SNX30: variants seen among roughly 807,000 people sequenced by gnomAD.
SNX30 encodes the protein sorting nexin family member 30.
Under a neutral mutation model 46.4 loss-of-function variants are expected in SNX30, and 24 were observed. That is an observed-to-expected ratio of 0.52 (90% CI 0.37 to 0.73). The LOEUF (loss-of-function observed/expected upper bound fraction) is 0.73, where lower values mean the gene tolerates loss of function less well. Ranked by LOEUF, SNX30 falls within the 30% of genes least tolerant of loss-of-function variation. The probability of loss-of-function intolerance (pLI) is 0.00; values close to 1 mark genes in which losing one functional copy is unlikely to be tolerated. For synonymous variants in SNX30, 189 were observed against 211.5 expected (o/e 0.89, Z 0.92); for missense variants, 533 against 555.7 (o/e 0.96, Z 0.41).
intron 1 of SNX30, among the ~76,000 whole-genome samples, chr9:112,783,778 G>A (rs1839880543): frequency 6.6e-6 from 1 of 152,220 alleles, no homozygotes; most frequent in Non-Finnish European, 1.5e-5. Flanking sequence ...GTCAGTTTCT[G>A]TGCTGAGGGC....
downstream of SNX30, among the ~76,000 whole-genome samples, chr9:112,882,878 C>G (rs1234710732): frequency 2.0e-5 from 3 of 152,136 alleles, no homozygotes; most frequent in African/African-American, 7.2e-5. Flanking sequence ...AGTGAGAAGA[C>G]AGCCCAGAAT....
intron 5 of SNX30, chr9:112,881,382 C>A (rs900357864): frequency 2.0e-5 from 3 of 152,234 alleles, no homozygotes; most frequent in African/African-American, 7.2e-5. Context: ...TGCTAGTGCA[C>A]TACTGGGAGG....
intron 1 of SNX30, among the ~76,000 whole-genome samples, chr9:112,767,482 T>C (rs1839562607): frequency 6.6e-6 from 1 of 152,232 alleles, no homozygotes; most frequent in Admixed American, 6.5e-5. Context: ...TGATATCATA[T>C]CTATTGCCAA....
chr9:112,885,359 A>G (rs1324513307), downstream of SNX30: 3 of 151,994 alleles, frequency 2.0e-5, no homozygotes, highest in Non-Finnish European at 4.4e-5. Context: ...CTCATGTGCT[A>G]CTAGGCAGGT....
chr9:112,795,202 G>A lies in SNX30; in HGVS notation c.157-9574G>A, dbSNP rs1840088104. Among the ~76,000 whole-genome samples the A allele has an allele frequency of 2.0e-5, 3 of 152,166 alleles. No individual in the cohort carries two copies. In the South Asian group the frequency reaches 6.2e-4, roughly 32 times the overall value. On this transcript the variant is annotated intron_variant, in intron 1 of 8. Transcript: ENST00000374232. ...TGTGTGTGTGTGTATGAGAGAGAGA[G>A]AATAGTGATACAGCACCAGCCATGT...
chr9:112,795,793 ACACG>A (rs1159179952), intron 1 of SNX30, among the ~76,000 whole-genome samples: 3 of 151,254 alleles, frequency 2.0e-5, no homozygotes, highest in African/African-American at 4.9e-5. Flanking sequence ...ACACACACAC[ACACG>A]CACACATGAT....
intron 1 of SNX30, among the ~76,000 whole-genome samples, chr9:112,757,383 T>A (rs1312537549): frequency 1.3e-5 from 2 of 152,234 alleles, no homozygotes; most frequent in Non-Finnish European, 2.9e-5. Context: ...CAGTACAGTT[T>A]CTCTATCTGT....
At chr9:112,824,917 G>A (rs1337148624) in intron 3 of SNX30, among the ~76,000 whole-genome samples, 3 of 152,086 alleles carry the variant, frequency 2.0e-5, no homozygotes, top group Non-Finnish European at 4.4e-5. Flanking sequence ...AGTGTTGTAC[G>A]ACCATCACCA....
At chr9:112,845,709 A>G (rs533992534) in intron 6 of SNX30, among the ~76,000 whole-genome samples, 204 of 152,318 alleles carry the variant, frequency 1.3e-3, no homozygotes, top group Middle Eastern at 3.4e-3. Context: ...ACAGATACTG[A>G]TATTGGCTGG....
chr9:112,758,336 C>CT lies in SNX30; in HGVS notation c.156+7190dup, dbSNP rs1031135326. On this transcript the variant is annotated intron_variant, in intron 1 of 8. Coordinates refer to ENST00000374232, the MANE Select transcript of SNX30 (RefSeq NM_001012994.2). The stretch of plus-strand genomic sequence containing the variant: ...TAAACATGCTCAAGTTGCGCTCTCT[C>CT]TTTTTTTTTTTGAGACAGTATCTGG... Among the ~76,000 whole-genome samples, 394 of 147,228 alleles carry CT rather than the reference C, an allele frequency of 2.7e-3. 1 individual carries two copies. The highest frequency in any genetic ancestry group is 0.018 in the Middle Eastern group (5 of 284).
At chr9:112,767,488 G>T (rs1278229152) in intron 1 of SNX30, among the ~76,000 whole-genome samples, 1 of 152,030 alleles carries the variant, frequency 6.6e-6, no homozygotes, top group Admixed American at 6.6e-5. Flanking sequence ...CATATCTATT[G>T]CCAACTTCAG....
chr9:112,783,475 C>G (rs921625778), intron 1 of SNX30, among the ~76,000 whole-genome samples: 2 of 152,116 alleles, frequency 1.3e-5, no homozygotes, highest in Non-Finnish European at 2.9e-5. Context: ...TCTTCCCTTC[C>G]CTTGATTTAG....
chr9:112,856,958 G>A (rs1438150463), intron 7 of SNX30, among the ~76,000 whole-genome samples: 19 of 152,178 alleles, frequency 1.2e-4, no homozygotes. Flanking sequence ...GTCAGGGGAA[G>A]CGTGGAACTT....
At chr9:112,786,462 T>C (rs1839928486) in intron 1 of SNX30, among the ~76,000 whole-genome samples, 1 of 152,124 alleles carries the variant, frequency 6.6e-6, no homozygotes, top group Admixed American at 6.5e-5. Context: ...TCATAGTTTA[T>C]AGCTAAGTAA....
rs538269372 is a variant in SNX30, at chr9:112,783,490, A to G, written c.157-21286A>G. The stretch of plus-strand genomic sequence containing the variant: ...TCTTCCCTTCCCTTGATTTAGAGCT[A>G]TATGTATAGACTGCTGTGAAAGGAT... On this transcript the variant is annotated intron_variant, in intron 1 of 8. Coordinates refer to ENST00000374232, the MANE Select transcript of SNX30 (RefSeq NM_001012994.2). Among the ~76,000 whole-genome samples the G allele has an allele frequency of 2.0e-4, 31 of 152,326 alleles. No homozygotes were observed. In the South Asian group the frequency reaches 3.1e-3, roughly 15 times the overall value.
chr9:112,864,002 C>T (rs1841278731), intron 7 of SNX30, among the ~76,000 whole-genome samples: 1 of 152,184 alleles, frequency 6.6e-6, no homozygotes, highest in South Asian at 2.1e-4. Flanking sequence ...GGTGTTTCCC[C>T]CACGAGTCTC....
At chr9:112,754,124 T>C (rs1432212943) in intron 1 of SNX30, among the ~76,000 whole-genome samples, 1 of 152,188 alleles carries the variant, frequency 6.6e-6, no homozygotes, top group Non-Finnish European at 1.5e-5. Flanking sequence ...AGGCTGGTCA[T>C]AGTACAGGGT....
chr9:112,842,515 T>C (rs1033063336), intron 6 of SNX30, among the ~76,000 whole-genome samples: 1 of 152,250 alleles, frequency 6.6e-6, no homozygotes, highest in African/African-American at 2.4e-5. Flanking sequence ...GGTTCCTCTC[T>C]GAGTTCGAAA....
At chr9:112,768,647 C>CTTCTTCTTCTTCTTT (rs1554748345) in intron 1 of SNX30, among the ~76,000 whole-genome samples, 1 of 64,366 alleles carries the variant, frequency 1.6e-5, no homozygotes, top group African/African-American at 5.3e-5. Flanking sequence ...ATTCTTTCTT[C>CTTCTTCTTCTTCTTT]TTTTTTTTTT....
Sources: allele counts gnomAD v4.1 joint callset (sites outside exome capture counted in the v4.1 genomes callset), GRCh38; gene constraint gnomAD v4.1.1; transcripts MANE v1.5; gene names NCBI Gene and HGNC (gene_info 2026-07-23, HGNC 2026-07-21).